SP110: variants seen among roughly 807,000 people sequenced by gnomAD.
SP110 encodes the protein SP110 nuclear body protein, also known as interferon-induced protein 41, 30kD.
In SP110, 62 loss-of-function variants were observed where a neutral mutation model predicts 92.7. The observed-to-expected ratio is 0.67, with a 90% CI of 0.55 to 0.83. The LOEUF is 0.83. Ranked by LOEUF, SP110 falls within the 40% of genes least tolerant of loss-of-function variation. The pLI, the probability that SP110 is intolerant of heterozygous loss-of-function variation, is 0.00. For missense variants in SP110, 793 were observed against 863.9 expected, an observed-to-expected ratio of 0.92 and a Z score of 1.03; for synonymous variants, 273 against 305.3, an observed-to-expected ratio of 0.89 and a Z score of 1.10.
chr2:230,216,964 G>A, intron 1 of SP110, 36 bp from the exon 2 acceptor site: 1 of 1,595,006 alleles, frequency 6.3e-7, no homozygotes, highest in East Asian at 2.3e-5. Flanking sequence ...TAGAAGCAAA[G>A]GCTGGGCGCG....
At chr2:230,219,008 T>G (rs1414602408) in intron 1 of SP110, among the ~76,000 whole-genome samples, 1 of 152,178 alleles carries the variant, frequency 6.6e-6, no homozygotes, top group Non-Finnish European at 1.5e-5. Context: ...GCGGATCAGC[T>G]GAGGTCAGGA....
upstream of SP110, chr2:230,220,248 A>C (rs1444646346): frequency 5.9e-6 from 1 of 168,140 alleles, no homozygotes; most frequent in Non-Finnish European, 1.2e-5. Context: ...CTGGGAACTC[A>C]GCGTCCAAAT....
At chr2:230,177,781 G>A (rs964943337) in intron 13 of SP110, 101 bp from the exon 14 acceptor site, 5 of 1,326,128 alleles carry the variant, frequency 3.8e-6, no homozygotes, top group African/African-American at 1.4e-5. Context: ...CAGGTCAAGA[G>A]AGACTTCCTC....
intron 10 of SP110, among the ~76,000 whole-genome samples, chr2:230,191,208 C>T (rs749886939): frequency 2.0e-5 from 3 of 151,948 alleles, no homozygotes; most frequent in African/African-American, 7.3e-5. Flanking sequence ...CAAATGGACA[C>T]CCTAACATCA....
At chr2:230,193,333 C>T (rs1450947919) in intron 10 of SP110, among the ~76,000 whole-genome samples, 3 of 152,112 alleles carry the variant, frequency 2.0e-5, no homozygotes, top group Non-Finnish European at 4.4e-5. Flanking sequence ...TTAAGTGGAG[C>T]ATTTAGGCCC....
chr2:230,212,547 A>G (rs112419662), intron 4 of SP110, 117 bp from the exon 5 acceptor site: 42 of 1,059,608 alleles, frequency 4.0e-5, no homozygotes, highest in African/African-American at 3.7e-4. Context: ...GAGGGTTGGA[A>G]TGTCCCGGGA....
Position 230,178,261 on chromosome 2 carries a change from AG to A in SP110, c.1349-7del. 6.4e-7 allele frequency: 1 copy of A among 1,559,746 alleles called. No individual in the cohort carries two copies. The highest frequency in any genetic ancestry group is 8.8e-7 in the Non-Finnish European group (1 of 1,131,792). On this transcript the variant is annotated splice_polypyrimidine_tract_variant and splice_region_variant and intron_variant, in intron 12 of 18. Coordinates refer to ENST00000258381, the MANE Select transcript of SP110 (RefSeq NM_080424.4). ...AGTGTCACTTTTGGGTTTTCCTTAA[AG>A]TAGAAGAGAACAGTTTTGTGTTATT...
chr2:230,180,904 C>A (rs989233820), intron 12 of SP110, among the ~76,000 whole-genome samples: 7 of 152,200 alleles, frequency 4.6e-5, no homozygotes, highest in Admixed American at 2.0e-4. Context: ...GAAATTGGAA[C>A]ACATAGGTTG....
chr2:230,176,271 GA>G (rs2041854505), intron 14 of SP110, among the ~76,000 whole-genome samples: 1 of 151,788 alleles, frequency 6.6e-6, no homozygotes, highest in African/African-American at 2.4e-5. Flanking sequence ...GGCTGGTCTT[GA>G]ACTCCTGGGC....
chr2:230,218,787 T>C (rs1374817584), intron 1 of SP110, among the ~76,000 whole-genome samples: 3 of 152,208 alleles, frequency 2.0e-5, no homozygotes, highest in African/African-American at 7.2e-5. Context: ...ATTTTTATTA[T>C]GTAAAGAGAT....
At chr2:230,195,321 C>T (rs1452310362) in intron 10 of SP110, among the ~76,000 whole-genome samples, 2 of 152,114 alleles carry the variant, frequency 1.3e-5, no homozygotes, top group African/African-American at 2.4e-5. Flanking sequence ...AGAGGACTAA[C>T]ATTTAATATA....
intron 10 of SP110, among the ~76,000 whole-genome samples, chr2:230,195,820 A>G (rs2042844700): frequency 1.3e-5 from 2 of 152,314 alleles, no homozygotes; most frequent in East Asian, 1.9e-4. Flanking sequence ...CAGTTCAAAA[A>G]ACACCCCGAC....
intron 8 of SP110, 29 bp downstream of exon 8, chr2:230,207,962 T>C (rs1400296472): frequency 8.5e-7 from 1 of 1,177,312 alleles, no homozygotes; most frequent in Non-Finnish European, 1.3e-6. Context: ...GTTTCCAGCC[T>C]CCAGCTTCCT....
rs923257053 is a variant in SP110, at chr2:230,177,795, G to A, written c.1448-115C>T. ...CCAGGTCAAGAGAGACTTCCTCTGT[G>A]AGGTGGAAGGAGTAGCAGGGGAGTC... On this transcript the variant is annotated intron_variant, in intron 13 of 18. Transcript: ENST00000258381. The A allele has an allele frequency of 2.6e-6, 3 of 1,173,612 alleles. No homozygotes were observed. In the African/African-American group the frequency reaches 4.5e-5, roughly 18 times the overall value. 72.7% of individuals were successfully genotyped at this position (1,173,612 alleles called of 1,614,324 possible).
Position 230,171,679 on chromosome 2 carries a change from C to G in SP110, c.1887+17G>C, listed in dbSNP as rs201014062. ...CCAAATGCATTTTATGCAAGAGAAC[C>G]GTAAAATGTGACTTACATTAAATGG... On this transcript the variant is annotated intron_variant, in intron 17 of 18. Transcript: ENST00000258381. 2.5e-6 allele frequency: 4 copies of G among 1,599,344 alleles called. No individual in the cohort carries two copies. The highest frequency in any genetic ancestry group is 3.4e-6 in the Non-Finnish European group (4 of 1,166,662).
At chr2:230,193,915 C>T (rs560366315) in intron 10 of SP110, among the ~76,000 whole-genome samples, 1 of 152,260 alleles carries the variant, frequency 6.6e-6, no homozygotes, top group Admixed American at 6.5e-5. Flanking sequence ...CAAAAATTAC[C>T]TGTACCTATC....
intron 10 of SP110, among the ~76,000 whole-genome samples, chr2:230,192,351 G>C (rs1425759284): frequency 1.3e-5 from 2 of 152,146 alleles, no homozygotes; most frequent in Non-Finnish European, 2.9e-5. Flanking sequence ...AGTTGTTTCT[G>C]TTTGCAGATG....
upstream of SP110, chr2:230,220,023 A>G (rs2045667281): frequency 2.0e-6 from 2 of 985,470 alleles, no homozygotes; most frequent in African/African-American, 1.7e-5. Flanking sequence ...CTTCCGAGAA[A>G]AGAAAAGTGA....
Position 230,172,942 on chromosome 2 carries a change from T to C in SP110, c.1608A>G (p.Glu536=), listed in dbSNP as rs367869427. The C allele has an allele frequency of 1.9e-6, 3 of 1,613,786 alleles. No homozygotes were observed. In the African/African-American group the frequency reaches 4.0e-5, roughly 22 times the overall value. ...GTCCCCCTTGACAGCACACCTCGCATTCATCCGAGTTTTTCCGCTGCAAGG... is the reference window on the plus strand; with the variant it reads ...GTCCCCCTTGACAGCACACCTCGCACTCATCCGAGTTTTTCCGCTGCAAGG... ...GELLKRKNSD[E]CEVCCQGGQL... The change falls in exon 15 of 19, where the codon GAA becomes GAG. Residue 536 remains glutamate (E), a synonymous_variant. Transcript: ENST00000258381.
Sources: gnomAD v4.1 joint callset for allele counts (sites outside exome capture counted in the v4.1 genomes callset) on GRCh38, gnomAD v4.1.1 for gene constraint, MANE v1.5 for transcripts, NCBI Gene and HGNC (gene_info 2026-07-23, HGNC 2026-07-21) for gene names.